The following HLCS variants were observed in gnomAD, a reference collection of about 807,000 sequenced individuals.
HLCS encodes the protein biotin--protein ligase.
Under a neutral mutation model 75.0 loss-of-function variants are expected in HLCS, and 53 were observed. The observed-to-expected ratio is 0.71, with a 90% CI of 0.57 to 0.89. The LOEUF is 0.89. Ranked by LOEUF, HLCS falls within the 40% of genes least tolerant of loss-of-function variation. The pLI, the probability that HLCS is intolerant of heterozygous loss-of-function variation, is 0.00. For synonymous variants in HLCS, 431 were observed against 428.6 expected (o/e 1.01, Z -0.07); for missense variants, 966 against 1,074.0 (o/e 0.90, Z 1.41).
At chr21:36,922,566 C>T (rs2146454682) in intron 5 of HLCS, among the ~76,000 whole-genome samples, 1 of 152,304 alleles carries the variant, frequency 6.6e-6, no homozygotes, top group East Asian at 1.9e-4. Flanking sequence ...AAGGAGTCTT[C>T]CCTTCTTATC....
upstream of HLCS, among the ~76,000 whole-genome samples, chr21:36,970,256 A>C (rs2068749109): frequency 6.6e-6 from 1 of 152,180 alleles, no homozygotes; most frequent in Admixed American, 6.5e-5. Context: ...TTTTTGAGAC[A>C]GGGTCTTGCT....
At chr21:36,879,435 A>G (rs905064839) in intron 6 of HLCS, among the ~76,000 whole-genome samples, 12 of 152,254 alleles carry the variant, frequency 7.9e-5, no homozygotes, top group African/African-American at 1.2e-4. Flanking sequence ...AAAGACTAGA[A>G]GGAGATACAC....
At chr21:36,905,179 C>T (rs1474847502) in intron 5 of HLCS, among the ~76,000 whole-genome samples, 1 of 152,192 alleles carries the variant, frequency 6.6e-6, no homozygotes, top group Non-Finnish European at 1.5e-5. Context: ...TACATATGTT[C>T]CTGTTTTGCT....
At position 36,789,587 on chromosome 21, in the gene HLCS, T is replaced by C. The variant is rs79024278; in HGVS notation, c.1893-22302A>G. On this transcript the variant is annotated intron_variant, in intron 6 of 10. Coordinates refer to ENST00000674895, the MANE Select transcript of HLCS (RefSeq NM_001352514.2). Reference sequence around the variant, plus strand: ...ACCAAAGTAATGTTTCCCTTTACCATGGTTGGAAGTGTACAGGATATTTGG... The same window carrying C: ...ACCAAAGTAATGTTTCCCTTTACCACGGTTGGAAGTGTACAGGATATTTGG... Among the ~76,000 whole-genome samples the C allele has an allele frequency of 9.1e-3, 1,385 of 152,268 alleles. 18 individuals are homozygous for C. The highest frequency in any genetic ancestry group is 0.032 in the African/African-American group (1,328 of 41,548).
At chr21:36,955,491 AAT>A (rs1230336429) in intron 2 of HLCS, among the ~76,000 whole-genome samples, 1 of 151,800 alleles carries the variant, frequency 6.6e-6, no homozygotes, top group African/African-American at 2.4e-5. Flanking sequence ...TTTTTTTTTA[AAT>A]ATATAAAATC....
At chr21:36,968,230 C>T (rs1392105268), upstream of HLCS, among the ~76,000 whole-genome samples, 2 of 152,032 alleles carry the variant, frequency 1.3e-5, no homozygotes, top group African/African-American at 4.8e-5. Flanking sequence ...CTCGAGCAGT[C>T]AAACTCCTGC....
intron 1 of HLCS, among the ~76,000 whole-genome samples, chr21:36,965,451 G>C (rs1456893161): frequency 1.3e-5 from 2 of 152,200 alleles, no homozygotes; most frequent in African/African-American, 4.8e-5. Flanking sequence ...TTTACAGCAA[G>C]GCAGCAGACT....
chr21:36,890,254 A>G (rs1010816288), intron 6 of HLCS, among the ~76,000 whole-genome samples: 1 of 152,184 alleles, frequency 6.6e-6, no homozygotes, highest in Non-Finnish European at 1.5e-5. Flanking sequence ...GAAACAGACT[A>G]ATACACATGG....
chr21:36,888,931 T>C (rs960704330), intron 6 of HLCS, among the ~76,000 whole-genome samples: 1 of 152,058 alleles, frequency 6.6e-6, no homozygotes, highest in Non-Finnish European at 1.5e-5. Context: ...ATCGCTCCTA[T>C]ATCACTGTGC....
chr21:36,803,192 A>C (rs1290279550), intron 6 of HLCS, among the ~76,000 whole-genome samples: 4 of 152,190 alleles, frequency 2.6e-5, no homozygotes, highest in Non-Finnish European at 5.9e-5. Context: ...GCTGTCTGGC[A>C]CATCTTCTTC....
rs1037843723 is a variant in HLCS at position 36,913,579 on chromosome 21, C to T, written c.1621-16448G>A. Reference sequence around the variant, plus strand: ...AGTTTGAGACCAGCCTGGCCAACATCGTGAAACTCCGTCTCTACTAAAAAT... The same window carrying T: ...AGTTTGAGACCAGCCTGGCCAACATTGTGAAACTCCGTCTCTACTAAAAAT... On this transcript the variant is annotated intron_variant, in intron 5 of 10. Coordinates refer to ENST00000674895, the MANE Select transcript of HLCS (RefSeq NM_001352514.2). Among the ~76,000 whole-genome samples the T allele has an allele frequency of 4.6e-5, 7 of 152,054 alleles. No individual in the cohort carries two copies. In the South Asian group the frequency reaches 1.3e-3, roughly 27 times the overall value.
intron 8 of HLCS, among the ~76,000 whole-genome samples, chr21:36,763,884 G>C (rs2089940180): frequency 6.6e-6 from 1 of 152,150 alleles, no homozygotes; most frequent in Admixed American, 6.5e-5. Context: ...GCAGGCACAC[G>C]GGTCCTAATA....
At chr21:36,791,303 C>T (rs1490952164) in intron 6 of HLCS, among the ~76,000 whole-genome samples, 1 of 152,156 alleles carries the variant, frequency 6.6e-6, no homozygotes, top group East Asian at 1.9e-4. Flanking sequence ...ACCCACACAT[C>T]CAGGGCTCTG....
At chr21:36,978,296 G>A (rs1239320509) in intron 1 of HLCS, among the ~76,000 whole-genome samples, 1 of 152,096 alleles carries the variant, frequency 6.6e-6, no homozygotes, top group African/African-American at 2.4e-5. Context: ...AGGAGTTCGA[G>A]ACCAGCCTGG....
intron 6 of HLCS, among the ~76,000 whole-genome samples, chr21:36,819,340 G>C (rs1321706115): frequency 6.6e-6 from 1 of 152,228 alleles, no homozygotes; most frequent in Non-Finnish European, 1.5e-5. Context: ...CACGAGGGAT[G>C]TATGATCCTG....
chr21:36,935,779 G>A (rs1371278637), intron 4 of HLCS, among the ~76,000 whole-genome samples: 1 of 152,220 alleles, frequency 6.6e-6, no homozygotes, highest in Admixed American at 6.5e-5. Context: ...AAAAGAAGAT[G>A]AGCCAAAGGA....
At chr21:36,791,431 G>A (rs2060861148) in intron 6 of HLCS, among the ~76,000 whole-genome samples, 1 of 152,082 alleles carries the variant, frequency 6.6e-6, no homozygotes, top group Non-Finnish European at 1.5e-5. Flanking sequence ...AAACATGAAA[G>A]GTTTGTTTTT....
intron 1 of HLCS, among the ~76,000 whole-genome samples, chr21:36,978,112 T>C (rs1196764769): frequency 6.6e-6 from 1 of 152,206 alleles, no homozygotes; most frequent in Non-Finnish European, 1.5e-5. Context: ...TCCTTCAGGT[T>C]AAGTTACTTT....
chr21:36,826,180 C>G (rs983715630), intron 6 of HLCS, among the ~76,000 whole-genome samples: 7 of 152,158 alleles, frequency 4.6e-5, no homozygotes, highest in African/African-American at 1.7e-4. Context: ...TCCTAACAAG[C>G]CTAGATGAAT....
Sources: allele counts gnomAD v4.1 joint callset (sites outside exome capture counted in the v4.1 genomes callset), GRCh38; gene constraint gnomAD v4.1.1; transcripts MANE v1.5; gene names NCBI Gene and HGNC (gene_info 2026-07-23, HGNC 2026-07-21).